The following PLCXD2 variants were observed in gnomAD, a reference collection of about 807,000 sequenced individuals.
PLCXD2 encodes phosphatidylinositol specific phospholipase C X domain containing 2.
In PLCXD2, 21 loss-of-function variants were observed where a neutral mutation model predicts 28.6. The ratio of observed to expected loss-of-function variants is 0.73; its 90% CI spans 0.52 to 1.06. The LOEUF (loss-of-function observed/expected upper bound fraction) is 1.06, where lower values mean the gene tolerates loss of function less well. Ranked by LOEUF, PLCXD2 falls within the 50% of genes least tolerant of loss-of-function variation. The pLI is 0.00. For synonymous variants in PLCXD2, 140 were observed against 150.1 expected (o/e 0.93, Z 0.49); for missense variants, 369 against 376.7 (o/e 0.98, Z 0.17).
At position 111,708,105 on chromosome 3, in the gene PLCXD2, C is replaced by G; in HGVS notation, c.343C>G (p.Leu115Val). 1 of 1,614,248 alleles carries G rather than the reference C, an allele frequency of 6.2e-7. No homozygotes were observed. The highest frequency in any genetic ancestry group is 1.1e-5 in the South Asian group (1 of 91,086). ...GGAAGCTGGGATCCGCTACTTTGAC[C>G]TGCGTGTGTCTTCCAAACCAGGGGA... The change falls in exon 2 of 5, where the codon CTG (leucine) becomes GTG (valine). Residue 115 changes from leucine (L) to valine (V), a missense_variant. Physicochemically the swap from Leu to Val is conservative, Grantham distance 32. Coordinates refer to ENST00000477665, the MANE Select transcript of PLCXD2 (RefSeq NM_001185106.1).
chr3:111,706,827 A>C (rs542853710), intron 1 of PLCXD2, among the ~76,000 whole-genome samples: 126 of 146,790 alleles, frequency 8.6e-4, no homozygotes, highest in African/African-American at 2.6e-3. Flanking sequence ...AAAAAAAAAA[A>C]CACAAAGAGA....
intron 2 of PLCXD2, among the ~76,000 whole-genome samples, chr3:111,711,039 A>G (rs1317093730): frequency 6.6e-6 from 1 of 152,192 alleles, no homozygotes; most frequent in East Asian, 1.9e-4. Context: ...AAAAAGGGAG[A>G]GCATCATCAG....
chr3:111,690,051 C>T (rs180671329), intron 1 of PLCXD2, among the ~76,000 whole-genome samples: 1 of 152,276 alleles, frequency 6.6e-6, no homozygotes, highest in East Asian at 1.9e-4. Context: ...CTCCTACTAT[C>T]CCCATTTTAC....
intron 1 of PLCXD2, among the ~76,000 whole-genome samples, chr3:111,693,248 A>C (rs1230372292): frequency 1.2e-4 from 19 of 152,130 alleles, no homozygotes; most frequent in Non-Finnish European, 1.5e-5. Context: ...CTTTCCAGTA[A>C]TCTGTTACCT....
chr3:111,724,229 G>A (rs1445836065), intron 3 of PLCXD2: 1 of 151,970 alleles, frequency 6.6e-6, no homozygotes, highest in Admixed American at 6.6e-5. Flanking sequence ...AGAGAGTCAT[G>A]CCAAAAAAGT....
Position 111,675,128 on chromosome 3 carries a change from G to T in PLCXD2, c.-118G>T. 8.0e-7 allele frequency: 1 copy of T among 1,243,028 alleles called. No homozygotes were observed. Among genetic ancestry groups the T allele is most frequent in the Non-Finnish European group, 1.1e-6 (1 of 882,186 alleles). 77.0% of individuals were successfully genotyped at this position (1,243,028 alleles called of 1,614,324 possible). A position where few individuals can be genotyped will look rare whatever the true frequency, so the allele number is the denominator to read the frequency against. ...TTTGCCCCGTCCCCCAGCCAGAAAG[G>T]CATTTTGGAAAGACTGGCGTGGCAA... On this transcript the variant is annotated 5_prime_UTR_variant, in exon 1 of 5. Transcript: ENST00000477665.
At chr3:111,721,346 A>C (rs1467596146) in intron 3 of PLCXD2, 1 of 152,266 alleles carries the variant, frequency 6.6e-6, no homozygotes, top group Non-Finnish European at 1.5e-5. Flanking sequence ...TCTAACATCA[A>C]CCAGGGGCTC....
rs1259105351 is a variant in PLCXD2 at position 111,698,628 on chromosome 3, G to A, written c.164-9298G>A. On this transcript the variant is annotated intron_variant, in intron 1 of 4. Coordinates refer to ENST00000477665, the MANE Select transcript of PLCXD2 (RefSeq NM_001185106.1). The stretch of plus-strand genomic sequence containing the variant: ...ATTCAGTGGTTCCCAACCCATTAGT[G>A]TTCTAGAGACAGGGGATGGGAATAG... Among the ~76,000 whole-genome samples, 4 of 152,350 alleles carry A rather than the reference G, an allele frequency of 2.6e-5. No homozygotes were observed. In the East Asian group the frequency reaches 5.8e-4, roughly 22 times the overall value.
intron 1 of PLCXD2, among the ~76,000 whole-genome samples, chr3:111,696,526 T>G (rs970751143): frequency 2.0e-5 from 3 of 152,156 alleles, no homozygotes; most frequent in Non-Finnish European, 4.4e-5. Flanking sequence ...AGTGGGTAAC[T>G]GGAAAGATAG....
chr3:111,715,458 T>C (rs1388473631), intron 3 of PLCXD2, among the ~76,000 whole-genome samples: 1 of 152,210 alleles, frequency 6.6e-6, no homozygotes, highest in Non-Finnish European at 1.5e-5. Flanking sequence ...CAGCAGAAAC[T>C]GGCATGAAAA....
chr3:111,721,838 A>G (rs1343375942), intron 3 of PLCXD2: 1 of 152,248 alleles, frequency 6.6e-6, no homozygotes, highest in Non-Finnish European at 1.5e-5. Flanking sequence ...ACTGTGGGAC[A>G]CAACGCTAAG....
At chr3:111,714,154 G>T (rs1941237774) in intron 3 of PLCXD2, 26 bp downstream of exon 3, 1 of 1,604,224 alleles carries the variant, frequency 6.2e-7, no homozygotes, top group African/African-American at 1.3e-5. Context: ...CACCCCACAA[G>T]GAAAGCTTTT....
At chr3:111,706,629 T>C (rs1049157983) in intron 1 of PLCXD2, among the ~76,000 whole-genome samples, 1 of 151,324 alleles carries the variant, frequency 6.6e-6, no homozygotes, top group African/African-American at 2.4e-5. Flanking sequence ...TTAAAAGATA[T>C]GGACTGGCTG....
chr3:111,675,618 A>G, intron 1 of PLCXD2, among the ~76,000 whole-genome samples: 1 of 152,230 alleles, frequency 6.6e-6, no homozygotes, highest in African/African-American at 2.4e-5. Context: ...AAACAGAAGC[A>G]TCATTGTTTT....
intron 2 of PLCXD2, among the ~76,000 whole-genome samples, 185 bp downstream of exon 2, chr3:111,708,571 C>T (rs1941154930): frequency 6.6e-6 from 1 of 152,182 alleles, no homozygotes; most frequent in African/African-American, 2.4e-5. Context: ...AGGGCTAACA[C>T]CTGCCAAATA....
At chr3:111,707,784 G>T in intron 1 of PLCXD2, 142 bp from the exon 2 acceptor site, 1 of 710,846 alleles carries the variant, frequency 1.4e-6, no homozygotes, top group Non-Finnish European at 2.3e-6. Flanking sequence ...TAGCAAGCTT[G>T]GCAAATTTTG....
chr3:111,715,617 AT>A (rs1427988085), intron 3 of PLCXD2, among the ~76,000 whole-genome samples: 1 of 152,218 alleles, frequency 6.6e-6, no homozygotes, highest in African/African-American at 2.4e-5. Context: ...AGATGATTTC[AT>A]TTGATTCTTA....
chr3:111,718,535 T>TAGATAGATA (rs1559799114), intron 3 of PLCXD2, among the ~76,000 whole-genome samples: 127 of 104,310 alleles, frequency 1.2e-3, no homozygotes, highest in South Asian at 2.7e-3. Context: ...ATAGATAGAT[T>TAGATAGATA]GATTGATTTA....
intron 1 of PLCXD2, among the ~76,000 whole-genome samples, chr3:111,682,551 G>C (rs760028659): frequency 2.0e-5 from 3 of 152,158 alleles, no homozygotes; most frequent in African/African-American, 7.2e-5. Context: ...ACATTTGTGC[G>C]CTATAATGCA....
Sources: gnomAD v4.1 joint callset for allele counts (sites outside exome capture counted in the v4.1 genomes callset) on GRCh38, gnomAD v4.1.1 for gene constraint, MANE v1.5 for transcripts, NCBI Gene and HGNC (gene_info 2026-07-23, HGNC 2026-07-21) for gene names.